Variants in AK7 observed in about 807,000 individuals in gnomAD.
AK7 encodes the protein adenylate kinase 7, also known as ATP-AMP transphosphorylase 7.
Under a neutral mutation model 96.6 loss-of-function variants are expected in AK7, and 78 were observed. That is an observed-to-expected ratio of 0.81 (90% CI 0.67 to 0.97). AK7 has a LOEUF of 0.97. AK7 is among the 50% of genes least tolerant of loss of function. AK7 has a pLI of 0.00. For missense variants in AK7, 855 were observed against 887.9 expected, an observed-to-expected ratio of 0.96 and a Z score of 0.47; for synonymous variants, 302 against 317.2, an observed-to-expected ratio of 0.95 and a Z score of 0.51.
intron 5 of AK7, among the ~76,000 whole-genome samples, chr14:96,433,572 T>G (rs1459254331): frequency 6.6e-6 from 1 of 152,194 alleles, no homozygotes; most frequent in Non-Finnish European, 1.5e-5. Flanking sequence ...GCCATTCATC[T>G]AATCTTTTTT....
Position 96,394,100 on chromosome 14 carries a change from C to T in AK7, c.105+1841C>T, listed in dbSNP as rs1431002436. 6.0e-5 allele frequency among the ~76,000 whole-genome samples: 9 copies of T among 150,522 alleles called. No individual in the cohort carries two copies. In the East Asian group the frequency reaches 1.6e-3, roughly 26 times the overall value. ...CTCCAGCCTGGGCAACAGAGTGAAA[C>T]TCCATCTCAAAAAAAAAAAAAATGG... On this transcript the variant is annotated intron_variant, in intron 1 of 17. Transcript: ENST00000267584.
At chr14:96,421,824 C>T (rs1419485293) in intron 5 of AK7, among the ~76,000 whole-genome samples, 1 of 152,072 alleles carries the variant, frequency 6.6e-6, no homozygotes, top group Non-Finnish European at 1.5e-5. Context: ...CCAGGATGGT[C>T]TCGATCTCCT....
At chr14:96,448,528 G>A (rs1299243004) in intron 8 of AK7, among the ~76,000 whole-genome samples, 1 of 150,430 alleles carries the variant, frequency 6.6e-6, no homozygotes, top group African/African-American at 2.4e-5. Flanking sequence ...TACTTGAGAG[G>A]CTAAGGTGCG....
At chr14:96,392,410 C>T in intron 1 of AK7, 151 bp downstream of exon 1, 2 of 623,712 alleles carry the variant, frequency 3.2e-6, no homozygotes, top group Non-Finnish European at 2.8e-6. Context: ...CCACCAATGC[C>T]CCCTGGACCC....
At chr14:96,482,492 A>G (rs182893528) in intron 15 of AK7, among the ~76,000 whole-genome samples, 12 of 152,270 alleles carry the variant, frequency 7.9e-5, no homozygotes, top group Admixed American at 7.8e-4. Flanking sequence ...TTTGGTCTTG[A>G]TACTAACATT....
intron 5 of AK7, among the ~76,000 whole-genome samples, chr14:96,432,894 T>C (rs1271775505): frequency 6.6e-6 from 1 of 151,642 alleles, no homozygotes; most frequent in Admixed American, 6.6e-5. Flanking sequence ...CTCGGGAGGC[T>C]GAGGCAGGAG....
intron 15 of AK7, among the ~76,000 whole-genome samples, chr14:96,480,967 G>C (rs1051124693): frequency 2.6e-5 from 4 of 152,212 alleles, no homozygotes; most frequent in African/African-American, 9.6e-5. Context: ...CCTCTCATCA[G>C]CTCTGGACTC....
intron 12 of AK7, among the ~76,000 whole-genome samples, chr14:96,468,589 G>A (rs552983223): frequency 1.3e-5 from 2 of 151,924 alleles, no homozygotes; most frequent in Admixed American, 1.3e-4. Flanking sequence ...GAGCCACCAC[G>A]CCCGGCCTGC....
chr14:96,469,886 T>C (rs1435878712), intron 12 of AK7, among the ~76,000 whole-genome samples: 2 of 152,036 alleles, frequency 1.3e-5, no homozygotes. Flanking sequence ...GGTGCGATCT[T>C]GGCTCACTGC....
chr14:96,487,316 G>A (rs1214160135), intron 17 of AK7, among the ~76,000 whole-genome samples: 2 of 139,206 alleles, frequency 1.4e-5, no homozygotes, highest in Non-Finnish European at 3.1e-5. Flanking sequence ...CCCTGGAGGT[G>A]GAGGTTGCAG....
intron 16 of AK7, among the ~76,000 whole-genome samples, chr14:96,485,406 T>A (rs963564157): frequency 2.0e-5 from 3 of 152,148 alleles, no homozygotes; most frequent in African/African-American, 7.2e-5. Context: ...AGAGATCAAA[T>A]CCCACTCCAC....
chr14:96,411,342 T>G (rs1347056046), intron 4 of AK7, among the ~76,000 whole-genome samples: 1 of 151,986 alleles, frequency 6.6e-6, no homozygotes, highest in East Asian at 1.9e-4. Flanking sequence ...AAACCCCATC[T>G]CTACCAAAAA....
At chr14:96,408,745 C>G in intron 3 of AK7, 102 bp from the exon 4 acceptor site, 1 of 972,034 alleles carries the variant, frequency 1.0e-6, no homozygotes, top group Non-Finnish European at 1.6e-6. Context: ...GGTAACAGCA[C>G]CCTGGTGTTA....
intron 9 of AK7, among the ~76,000 whole-genome samples, chr14:96,450,772 T>C (rs1893552787): frequency 7.2e-6 from 1 of 139,590 alleles, no homozygotes; most frequent in Non-Finnish European, 1.5e-5. Flanking sequence ...TTTTCTCTTT[T>C]TTTTTTTTTT....
rs1555374854 is a variant in AK7, at chr14:96,392,262, G to GAGC, written c.105+4_105+6dup. ...ACAGCAGCGGAAACATCGGGAAGGT[G>GAGC]AGCGGCGGCGGCGGCCCAGAGCCTC... is the stretch of plus-strand genomic sequence containing the variant. On this transcript the variant is annotated splice_donor_region_variant and intron_variant, in intron 1 of 17. Coordinates refer to ENST00000267584, the MANE Select transcript of AK7 (RefSeq NM_152327.5). 1.9e-6 allele frequency: 3 copies of GAGC among 1,610,388 alleles called. No homozygotes were observed. The highest frequency in any genetic ancestry group is 2.2e-5 in the East Asian group (1 of 44,804).
intron 10 of AK7, among the ~76,000 whole-genome samples, chr14:96,452,521 T>C (rs1051472769): frequency 1.3e-5 from 2 of 152,138 alleles, no homozygotes; most frequent in African/African-American, 4.8e-5. Context: ...AGACGGGGTT[T>C]CACCATGTGG....
chr14:96,455,631 C>A (rs1408596178), intron 10 of AK7, among the ~76,000 whole-genome samples: 1 of 152,222 alleles, frequency 6.6e-6, no homozygotes, highest in Non-Finnish European at 1.5e-5. Flanking sequence ...ATGCCCTGTA[C>A]TGTGCACTGT....
At chr14:96,431,883 G>A (rs1892373326) in intron 5 of AK7, among the ~76,000 whole-genome samples, 1 of 152,108 alleles carries the variant, frequency 6.6e-6, no homozygotes, top group Non-Finnish European at 1.5e-5. Context: ...TTATTATTGT[G>A]TAGGAGTCTA....
intron 5 of AK7, chr14:96,423,972 C>T: frequency 2.1e-6 from 2 of 951,036 alleles, no homozygotes; most frequent in Non-Finnish European, 3.4e-6. Flanking sequence ...GATGCCATTC[C>T]CTGTATTGGG....
Sources: gnomAD v4.1 joint callset for allele counts (sites outside exome capture counted in the v4.1 genomes callset) on GRCh38, gnomAD v4.1.1 for gene constraint, MANE v1.5 for transcripts, NCBI Gene and HGNC (gene_info 2026-07-23, HGNC 2026-07-21) for gene names.